The following KAZN variants were observed in gnomAD, a reference collection of about 807,000 sequenced individuals.
KAZN encodes kazrin, periplakin interacting protein.
KAZN carries 40 observed loss-of-function variants against 87.4 expected under a neutral mutation model. The observed-to-expected ratio is 0.46, with a 90% confidence interval of 0.36 to 0.60. The LOEUF is 0.60. Among genes scored for constraint, KAZN ranks in the 20% least tolerant of loss-of-function variants. The pLI is 0.00. For missense variants in KAZN, 898 were observed against 1,073.9 expected, an observed-to-expected ratio of 0.84 and a Z score of 2.29; for synonymous variants, 466 against 458.3, an observed-to-expected ratio of 1.02 and a Z score of -0.22.
At chr1:14,308,534 C>T (rs1046196755) in intron 2 of KAZN, among the ~76,000 whole-genome samples, 7 of 152,214 alleles carry the variant, frequency 4.6e-5, no homozygotes. Context: ...TCAGTTATAT[C>T]AAAATTAAAA....
chr1:14,276,323 A>G (rs543633477), intron 2 of KAZN, among the ~76,000 whole-genome samples: 1 of 151,352 alleles, frequency 6.6e-6, no homozygotes, highest in African/African-American at 2.4e-5. Flanking sequence ...TGTTTTTTCA[A>G]CTCCTGTTGA....
Position 14,690,539 on chromosome 1 carries a change from GT to G in KAZN, c.226+91325del, listed in dbSNP as rs1008177060. Among the ~76,000 whole-genome samples, 7 of 151,022 alleles carry G rather than the reference GT, an allele frequency of 4.6e-5. No individual in the cohort carries two copies. In the East Asian group the frequency reaches 7.8e-4, roughly 17 times the overall value. ...ACTTGGGGTGACAGCAGAGGGAAGGGTTTTTTTTTCATGCTCTTCCCCCCAT... is the reference window on the plus strand; with the variant it reads ...ACTTGGGGTGACAGCAGAGGGAAGGGTTTTTTTTCATGCTCTTCCCCCCAT... On this transcript the variant is annotated intron_variant, in intron 1 of 14. Coordinates refer to ENST00000376030, the MANE Select transcript of KAZN (RefSeq NM_201628.3).
At chr1:14,222,348 C>A (rs567456053) in intron 2 of KAZN, among the ~76,000 whole-genome samples, 117 of 152,260 alleles carry the variant, frequency 7.7e-4, no homozygotes, top group Non-Finnish European at 8.4e-4. Context: ...AAATCAAGAG[C>A]CTCTTTCCAC....
intron 2 of KAZN, among the ~76,000 whole-genome samples, chr1:14,571,966 G>C (rs1226011568): frequency 6.6e-6 from 1 of 152,122 alleles, no homozygotes; most frequent in Non-Finnish European, 1.5e-5. Flanking sequence ...GGAAGGATGT[G>C]GTTCTGATCT....
chr1:14,127,544 T>C (rs1250336648), intron 1 of KAZN, among the ~76,000 whole-genome samples: 1 of 152,168 alleles, frequency 6.6e-6, no homozygotes, highest in African/African-American at 2.4e-5. Context: ...AAATTAGCAG[T>C]GGCTCTGCCT....
At chr1:15,025,391 A>G (rs1671064784) in intron 2 of KAZN, among the ~76,000 whole-genome samples, 1 of 152,308 alleles carries the variant, frequency 6.6e-6, no homozygotes, top group African/African-American at 2.4e-5. Flanking sequence ...TCCATGGAGT[A>G]TGCTGGTAAT....
At chr1:14,211,314 G>A (rs947542952) in intron 2 of KAZN, among the ~76,000 whole-genome samples, 36 of 152,218 alleles carry the variant, frequency 2.4e-4, no homozygotes, top group Middle Eastern at 3.4e-3. Flanking sequence ...TCCGCCTCCC[G>A]GGTTCACACC....
intron 1 of KAZN, among the ~76,000 whole-genome samples, chr1:14,604,561 G>C (rs1338222009): frequency 1.3e-5 from 2 of 152,226 alleles, no homozygotes; most frequent in Non-Finnish European, 2.9e-5. Flanking sequence ...GTTGTGCTCT[G>C]TGGGCACTCC....
At chr1:13,963,756 GGTCT>G (rs1385999003) in intron 1 of KAZN, among the ~76,000 whole-genome samples, 183 of 117,118 alleles carry the variant, frequency 1.6e-3, no homozygotes, top group African/African-American at 5.3e-3. Flanking sequence ...TTTCTGCTGT[GGTCT>G]GTGTGTGTGT....
chr1:14,169,845 G>C (rs978301097), intron 1 of KAZN, among the ~76,000 whole-genome samples: 1 of 152,144 alleles, frequency 6.6e-6, no homozygotes, highest in Non-Finnish European at 1.5e-5. Context: ...AGAGAAAAGT[G>C]ATACCCAAGA....
At chr1:14,913,722 G>A (rs1657493636) in intron 1 of KAZN, among the ~76,000 whole-genome samples, 1 of 152,260 alleles carries the variant, frequency 6.6e-6, no homozygotes, top group Non-Finnish European at 1.5e-5. Flanking sequence ...TGCAGGGGTG[G>A]TGGGGGCCCT....
chr1:14,544,350 C>CTTTTTTTT (rs374148415), intron 2 of KAZN, among the ~76,000 whole-genome samples: 681 of 98,066 alleles, frequency 6.9e-3, no homozygotes, highest in Middle Eastern at 8.2e-3. Context: ...TTCTTTCTTT[C>CTTTTTTTT]TTTTTTTTTT....
intron 6 of KAZN, 122 bp from the exon 7 acceptor site, chr1:15,063,450 G>C: frequency 3.7e-6 from 3 of 812,512 alleles, no homozygotes; most frequent in Middle Eastern, 2.2e-4. Context: ...CCACTGCAGA[G>C]GCAGGGTGGC....
intron 1 of KAZN, among the ~76,000 whole-genome samples, chr1:14,678,233 G>A (rs1331134190): frequency 1.3e-5 from 2 of 152,282 alleles, no homozygotes; most frequent in Non-Finnish European, 1.5e-5. Flanking sequence ...CTGCCAGCGC[G>A]ACTAGAAAAA....
At chr1:15,024,621 G>A (rs1324617189) in intron 2 of KAZN, among the ~76,000 whole-genome samples, 1 of 152,212 alleles carries the variant, frequency 6.6e-6, no homozygotes, top group African/African-American at 2.4e-5. Context: ...CCAGCGGAGG[G>A]AAGGCACAGC....
intron 13 of KAZN, among the ~76,000 whole-genome samples, chr1:15,108,337 C>A (rs968061646): frequency 6.6e-6 from 1 of 152,246 alleles, no homozygotes; most frequent in African/African-American, 2.4e-5. Flanking sequence ...ACTGGGTCAG[C>A]TGAGTGCCCA....
chr1:14,885,546 C>T (rs904813918), intron 1 of KAZN, among the ~76,000 whole-genome samples: 3 of 152,108 alleles, frequency 2.0e-5, no homozygotes, highest in Non-Finnish European at 4.4e-5. Context: ...TGGGGTCTCA[C>T]TATGTTGCCC....
At chr1:13,981,290 T>C (rs1006868282) in intron 1 of KAZN, among the ~76,000 whole-genome samples, 3 of 147,570 alleles carry the variant, frequency 2.0e-5, no homozygotes, top group Non-Finnish European at 4.5e-5. Flanking sequence ...TGATTAGAAT[T>C]ATTAAATTAT....
rs944051342 is a variant in KAZN, at chr1:14,634,694, G to A, written c.226+35471G>A. Among the ~76,000 whole-genome samples, 3 of 152,168 alleles carry A rather than the reference G, an allele frequency of 2.0e-5. 1 individual carries two copies. Among genetic ancestry groups the A allele is most frequent in the Admixed American group, 6.5e-5 (1 of 15,272 alleles). ...TTGTTACTTGAGTTGCCTTCTGAGA[G>A]CTCATGGTAGGCTTTGGAGAGGCTC... is the stretch of plus-strand genomic sequence containing the variant. On this transcript the variant is annotated intron_variant, in intron 1 of 14. Coordinates refer to ENST00000376030, the MANE Select transcript of KAZN (RefSeq NM_201628.3).
Sources: gnomAD v4.1 joint callset for allele counts (sites outside exome capture counted in the v4.1 genomes callset) on GRCh38, gnomAD v4.1.1 for gene constraint, MANE v1.5 for transcripts, NCBI Gene and HGNC (gene_info 2026-07-23, HGNC 2026-07-21) for gene names.